The following GALNT3 variants were observed in gnomAD, a reference collection of about 807,000 sequenced individuals.
GALNT3 encodes the protein GalNAc transferase 3.
Under a neutral mutation model 69.8 loss-of-function variants are expected in GALNT3, and 51 were observed. That is an observed-to-expected ratio of 0.73 (90% CI 0.58 to 0.92). The LOEUF (loss-of-function observed/expected upper bound fraction) is 0.92. GALNT3 is among the 40% of genes least tolerant of loss of function. The pLI is 0.00. For synonymous variants in GALNT3, 265 were observed against 248.5 expected (o/e 1.07, Z -0.63); for missense variants, 711 against 760.0 (o/e 0.94, Z 0.76).
At chr2:165,767,093 C>T (rs1431981006) in intron 2 of GALNT3, among the ~76,000 whole-genome samples, 2 of 151,910 alleles carry the variant, frequency 1.3e-5, no homozygotes, top group African/African-American at 2.4e-5. Context: ...GGATAAACTA[C>T]CAATTAATAA....
chr2:165,767,145 C>A (rs1470907313), intron 2 of GALNT3, among the ~76,000 whole-genome samples: 3 of 151,892 alleles, frequency 2.0e-5, no homozygotes, highest in Non-Finnish European at 2.9e-5. Context: ...ACTTGAACCA[C>A]AACTACACAG....
chr2:165,767,583 A>G (rs1688665788), intron 2 of GALNT3, among the ~76,000 whole-genome samples: 1 of 152,240 alleles, frequency 6.6e-6, no homozygotes, highest in Admixed American at 6.5e-5. Flanking sequence ...ATATAATTTC[A>G]TAAACCCCAT....
At chr2:165,781,183 C>A (rs995392731) in intron 1 of GALNT3, among the ~76,000 whole-genome samples, 32 of 152,124 alleles carry the variant, frequency 2.1e-4, no homozygotes, top group African/African-American at 7.7e-4. Context: ...GCCTGTACTG[C>A]TGGGCTTGCT....
At chr2:165,755,187 C>T in intron 7 of GALNT3, 124 bp from the exon 8 acceptor site, 1 of 879,536 alleles carries the variant, frequency 1.1e-6, no homozygotes, top group Non-Finnish European at 1.8e-6. Context: ...ATTCAAGAGG[C>T]AATTCAACAG....
At chr2:165,780,314 T>C (rs950526097) in intron 1 of GALNT3, among the ~76,000 whole-genome samples, 2 of 152,200 alleles carry the variant, frequency 1.3e-5, no homozygotes, top group Non-Finnish European at 2.9e-5. Flanking sequence ...TCAGGGTCTT[T>C]TCATTTTGAA....
intron 1 of GALNT3, among the ~76,000 whole-genome samples, chr2:165,787,898 A>T (rs1683256317): frequency 6.6e-6 from 1 of 152,218 alleles, no homozygotes; most frequent in African/African-American, 2.4e-5. Context: ...AGATCTTGGA[A>T]CAGAACCAAA....
chr2:165,756,529 CT>C (rs1402396542), intron 7 of GALNT3, among the ~76,000 whole-genome samples: 2 of 152,094 alleles, frequency 1.3e-5, no homozygotes, highest in East Asian at 3.9e-4. Flanking sequence ...TAAGCATGCA[CT>C]CCATGTCCAG....
At chr2:165,773,366 TTG>T (rs1688788184) in intron 1 of GALNT3, among the ~76,000 whole-genome samples, 1 of 152,222 alleles carries the variant, frequency 6.6e-6, no homozygotes, top group African/African-American at 2.4e-5. Flanking sequence ...TCTGCCATTA[TTG>T]TGAGGTCTCC....
chr2:165,777,095 GA>G (rs140312208), intron 1 of GALNT3, among the ~76,000 whole-genome samples: 2,032 of 152,238 alleles, frequency 0.013, 48 homozygotes, highest in African/African-American at 0.047. Flanking sequence ...AACATTTAAT[GA>G]AATAAGAAGA....
At chr2:165,779,408 C>T (rs1320334232) in intron 1 of GALNT3, among the ~76,000 whole-genome samples, 1 of 152,184 alleles carries the variant, frequency 6.6e-6, no homozygotes, top group African/African-American at 2.4e-5. Flanking sequence ...CACCCTCTCC[C>T]ACACACTGAA....
At chr2:165,755,638 T>A (rs1688431680) in intron 7 of GALNT3, among the ~76,000 whole-genome samples, 1 of 152,202 alleles carries the variant, frequency 6.6e-6, no homozygotes, top group African/African-American at 2.4e-5. Context: ...TAAATGAATT[T>A]TGCTTTCCTT....
At chr2:165,767,869 C>CTTTTT (rs34044047) in intron 2 of GALNT3, among the ~76,000 whole-genome samples, 5 of 82,462 alleles carry the variant, frequency 6.1e-5, no homozygotes, top group Non-Finnish European at 6.7e-5. Flanking sequence ...AAAAACAAAT[C>CTTTTT]TTTTTTTTTT....
At chr2:165,792,230 T>A (rs1431248445) in intron 1 of GALNT3, among the ~76,000 whole-genome samples, 1 of 152,222 alleles carries the variant, frequency 6.6e-6, no homozygotes, top group Non-Finnish European at 1.5e-5. Flanking sequence ...AGGAAAGTAT[T>A]ATTTTTCCTA....
At chr2:165,767,602 AAAC>A (rs769619480) in intron 2 of GALNT3, among the ~76,000 whole-genome samples, 14 of 152,214 alleles carry the variant, frequency 9.2e-5, no homozygotes, top group Non-Finnish European at 1.0e-4. Flanking sequence ...ATTCATTTTG[AAAC>A]AACATGTTAA....
chr2:165,748,763 C>T lies in GALNT3; in HGVS notation c.*18G>A. 2.5e-6 allele frequency: 4 copies of T among 1,601,162 alleles called. No homozygotes were observed. The highest frequency in any genetic ancestry group is 3.4e-6 in the Non-Finnish European group (4 of 1,171,978). The stretch of plus-strand genomic sequence containing the variant: ...TGAGAAAGAATATTTCCTTTTTCAA[C>T]TTAATTTTAAGGAACACTTAATCAT... On this transcript the variant is annotated 3_prime_UTR_variant, in exon 11 of 11. Coordinates refer to ENST00000392701, the MANE Select transcript of GALNT3 (RefSeq NM_004482.4).
rs71031204 is a variant in GALNT3 at position 165,774,909 on chromosome 2, CTT to C, written c.-108-4103_-108-4102del. ...TTGTGAAGTATTCTTCTTCTTCTCT[CTT>C]TTTTTTTTTTTTTTTTTTTTGTAGA... On this transcript the variant is annotated intron_variant, in intron 1 of 10. Transcript: ENST00000392701. 4.8e-5 allele frequency among the ~76,000 whole-genome samples: 5 copies of C among 104,368 alleles called. No individual in the cohort carries two copies. In the East Asian group the frequency reaches 8.6e-4, roughly 18 times the overall value. 68.5% of individuals were successfully genotyped at this position (104,368 alleles called of 152,430 possible).
rs1573993612 is a variant in GALNT3, at chr2:165,749,983, TAA to T, written c.1627-91_1627-90del. ...AATAAATCAGCAACTCGTTAAATAATAAAGTCATTTCTATTTCAACAAAATAA... is the reference window on the plus strand; with the variant it reads ...AATAAATCAGCAACTCGTTAAATAATAGTCATTTCTATTTCAACAAAATAA... On this transcript the variant is annotated intron_variant, in intron 9 of 10. Transcript: ENST00000392701. The T allele has an allele frequency of 6.2e-5, 71 of 1,153,050 alleles. No homozygotes were observed. In the East Asian group the frequency reaches 1.7e-3, roughly 27 times the overall value. 71.4% of individuals were successfully genotyped at this position (1,153,050 alleles called of 1,614,324 possible). A position where few individuals can be genotyped will look rare whatever the true frequency, so the allele number is the denominator to read the frequency against.
rs542219630 is a variant in GALNT3 at position 165,774,113 on chromosome 2, G to A, written c.-108-3305C>T. Among the ~76,000 whole-genome samples the A allele has an allele frequency of 4.6e-5, 7 of 152,174 alleles. No homozygotes were observed. In the South Asian group the frequency reaches 1.5e-3, roughly 32 times the overall value. On this transcript the variant is annotated intron_variant, in intron 1 of 10. Coordinates refer to ENST00000392701, the MANE Select transcript of GALNT3 (RefSeq NM_004482.4). The stretch of plus-strand genomic sequence containing the variant: ...TGGTCAAAATGTTGGGGTCTCACAG[G>A]AAAGTGGTTCCCAGTTGATGAACTA...
At chr2:165,761,116 T>A (rs113097088) in intron 4 of GALNT3, among the ~76,000 whole-genome samples, 14 of 147,836 alleles carry the variant, frequency 9.5e-5, no homozygotes, top group Non-Finnish European at 1.2e-4. Context: ...TCTGCAAATT[T>A]AAAAAAAAAA....
Sources: gnomAD v4.1 joint callset for allele counts (sites outside exome capture counted in the v4.1 genomes callset) on GRCh38, gnomAD v4.1.1 for gene constraint, MANE v1.5 for transcripts, NCBI Gene and HGNC (gene_info 2026-07-23, HGNC 2026-07-21) for gene names.